The following PTPRD variants were observed in gnomAD, a reference collection of about 807,000 sequenced individuals.
PTPRD encodes the protein protein tyrosine phosphatase receptor type D.
In PTPRD, 34 loss-of-function variants were observed where a neutral mutation model predicts 214.5. That is an observed-to-expected ratio of 0.16 (90% CI 0.12 to 0.21). The LOEUF (loss-of-function observed/expected upper bound fraction) is 0.21, where lower values mean the gene tolerates loss of function less well. Among genes scored for constraint, PTPRD ranks in the 10% least tolerant of loss-of-function variants. The probability of loss-of-function intolerance (pLI) is 1.00; values close to 1 mark genes in which losing one functional copy is unlikely to be tolerated. For synonymous variants in PTPRD, 1,128 were observed against 845.7 expected, an observed-to-expected ratio of 1.33 and a Z score of -5.79; for missense variants, 2,545 against 2,398.7, an observed-to-expected ratio of 1.06 and a Z score of -1.27.
intron 14 of PTPRD, among the ~76,000 whole-genome samples, chr9:8,627,904 A>G (rs1421854552): frequency 6.6e-6 from 1 of 151,904 alleles, no homozygotes; most frequent in Admixed American, 6.6e-5. Context: ...TCTGCCCACT[A>G]CCACCTTTTC....
intron 39 of PTPRD, among the ~76,000 whole-genome samples, chr9:8,353,809 C>CAA (rs200070227): frequency 1.5e-4 from 14 of 94,792 alleles, no homozygotes; most frequent in African/African-American, 6.3e-4. Flanking sequence ...GACTCCTTCT[C>CAA]AAAAAAAAAT....
chr9:10,439,302 A>G (rs2098743387), intron 2 of PTPRD, among the ~76,000 whole-genome samples: 1 of 151,840 alleles, frequency 6.6e-6, no homozygotes, highest in Non-Finnish European at 1.5e-5. Context: ...CATTGTCACT[A>G]CTAAGTCTAG....
intron 9 of PTPRD, among the ~76,000 whole-genome samples, chr9:9,362,024 T>C (rs1490789717): frequency 6.6e-6 from 1 of 150,774 alleles, no homozygotes; most frequent in Non-Finnish European, 1.5e-5. Flanking sequence ...TCAGAGAGAG[T>C]TTAGTGGAAA....
At chr9:8,971,967 A>G (rs912052914) in intron 11 of PTPRD, among the ~76,000 whole-genome samples, 27 of 151,770 alleles carry the variant, frequency 1.8e-4, no homozygotes, top group African/African-American at 6.5e-4. Flanking sequence ...ATCTCATTGC[A>G]TACCTCTTTT....
At chr9:8,407,112 T>C (rs893284791) in intron 35 of PTPRD, among the ~76,000 whole-genome samples, 3 of 152,212 alleles carry the variant, frequency 2.0e-5, no homozygotes, top group Non-Finnish European at 4.4e-5. Context: ...GATACCTACA[T>C]TGAAGACTTT....
At chr9:10,147,945 C>G (rs1216478536) in intron 3 of PTPRD, among the ~76,000 whole-genome samples, 1 of 152,122 alleles carries the variant, frequency 6.6e-6, no homozygotes, top group Non-Finnish European at 1.5e-5. Flanking sequence ...ATTGTGGTAG[C>G]AAGGTCTGAG....
At chr9:8,636,649 C>G (rs2154327662) in intron 13 of PTPRD, 50 bp downstream of exon 13, 1 of 1,599,002 alleles carries the variant, frequency 6.3e-7, no homozygotes, top group Non-Finnish European at 8.6e-7. Flanking sequence ...AAACCAAAGA[C>G]AGAGCAGATA....
chr9:9,826,508 A>G (rs749533740), intron 5 of PTPRD, among the ~76,000 whole-genome samples: 5 of 152,122 alleles, frequency 3.3e-5, no homozygotes, highest in African/African-American at 4.8e-5. Flanking sequence ...AGACAGTACC[A>G]TTATAAAGTA....
At chr9:9,390,382 G>A (rs540407534) in intron 9 of PTPRD, among the ~76,000 whole-genome samples, 4 of 152,088 alleles carry the variant, frequency 2.6e-5, no homozygotes, top group Non-Finnish European at 5.9e-5. Context: ...TACTTATTAA[G>A]AGAAATGGGA....
intron 10 of PTPRD, among the ~76,000 whole-genome samples, chr9:9,141,392 T>C (rs886366615): frequency 6.6e-6 from 1 of 152,074 alleles, no homozygotes; most frequent in Non-Finnish European, 1.5e-5. Context: ...GTGAAATTGT[T>C]GGGTAGTTTG....
chr9:9,524,774 G>A (rs958717297), intron 8 of PTPRD, among the ~76,000 whole-genome samples: 11 of 152,190 alleles, frequency 7.2e-5, no homozygotes, highest in African/African-American at 2.7e-4. Context: ...TATGCAGGCT[G>A]TGCATAGAAC....
rs911491864 is a variant in PTPRD, at chr9:9,239,732, G to A, written c.-202-56369C>T. 2.0e-5 allele frequency among the ~76,000 whole-genome samples: 3 copies of A among 152,160 alleles called. No individual in the cohort carries two copies. The East Asian group carries it at 5.8e-4, about 29-fold the overall frequency. ...CACCTGGGCTGCTAGCCAAAGTGCA[G>A]GGTCAAGCCCAGGATAGTCCTGTCC... On this transcript the variant is annotated intron_variant, in intron 9 of 45. Transcript: ENST00000381196.
Position 8,485,224 on chromosome 9 carries a change from T to C in PTPRD, c.3153+3A>G. 2 of 1,611,850 alleles carry C rather than the reference T, an allele frequency of 1.2e-6. No individual in the cohort carries two copies. Among genetic ancestry groups the C allele is most frequent in the Non-Finnish European group, 1.7e-6 (2 of 1,178,158 alleles). On this transcript the variant is annotated splice_donor_region_variant and intron_variant, in intron 29 of 45. Coordinates refer to ENST00000381196, the MANE Select transcript of PTPRD (RefSeq NM_002839.4). ...ATTTCTTACAAATTAGAAAACAACT[T>C]ACTTTGAAAGGCATGGCGGAGTTAT...
intron 2 of PTPRD, among the ~76,000 whole-genome samples, chr9:10,527,214 A>C (rs1275268027): frequency 6.6e-6 from 1 of 152,146 alleles, no homozygotes; most frequent in African/African-American, 2.4e-5. Flanking sequence ...TTTCTTTAAA[A>C]CAGATAAATA....
At chr9:10,085,694 GAC>G (rs137973175) in intron 3 of PTPRD, among the ~76,000 whole-genome samples, 3 of 150,896 alleles carry the variant, frequency 2.0e-5, no homozygotes, top group Admixed American at 6.6e-5. Flanking sequence ...ACACATACAT[GAC>G]ACACACACAC....
In PTPRD at chr9:8,436,627, C is replaced by T. The variant is rs1273974524; in HGVS notation, c.4051G>A (p.Ala1351Thr). The change falls in exon 35 of 46, where the codon GCA (alanine) becomes ACA (threonine). Residue 1351 changes from alanine (A) to threonine (T), a missense_variant. Transcript: ENST00000381196. ...ELADHIERLKANDNLKFSQEY... is the reference protein window; with the variant it reads ...ELADHIERLKTNDNLKFSQEY... ...TGGGAAAACTTCAAGTTGTCATTTGCTTTCAATCTTTCAATGTGGTCTGCA... is the reference window on the plus strand; with the variant it reads ...TGGGAAAACTTCAAGTTGTCATTTGTTTTCAATCTTTCAATGTGGTCTGCA... The T allele has an allele frequency of 6.2e-7, 1 of 1,613,484 alleles. No homozygotes were observed. Among genetic ancestry groups the T allele is most frequent in the Non-Finnish European group, 8.5e-7 (1 of 1,179,666 alleles).
At chr9:8,940,280 C>CTTTTTTTTTTTTTTTTTTTTTTTTTTT (rs34342718) in intron 11 of PTPRD, among the ~76,000 whole-genome samples, 5 of 89,050 alleles carry the variant, frequency 5.6e-5, no homozygotes, top group African/African-American at 2.2e-4. Context: ...TCTCTCTCTC[C>CTTTTTTTTTTTTTTTTTTTTTTTTTTT]TTTTTTTTTT....
At chr9:9,993,187 T>G (rs2154081789) in intron 4 of PTPRD, among the ~76,000 whole-genome samples, 1 of 152,276 alleles carries the variant, frequency 6.6e-6, no homozygotes, top group Middle Eastern at 3.4e-3. Context: ...ATTCTCCTGG[T>G]GGGAGTATAA....
At chr9:10,062,768 T>C (rs2097797519) in intron 3 of PTPRD, among the ~76,000 whole-genome samples, 1 of 152,032 alleles carries the variant, frequency 6.6e-6, no homozygotes, top group Non-Finnish European at 1.5e-5. Context: ...TGAAAATCTA[T>C]GTAACTCATG....
Sources: gnomAD v4.1 joint callset for allele counts (sites outside exome capture counted in the v4.1 genomes callset) on GRCh38, gnomAD v4.1.1 for gene constraint, MANE v1.5 for transcripts, NCBI Gene and HGNC (gene_info 2026-07-23, HGNC 2026-07-21) for gene names.